HORMAD2: variants seen among roughly 807,000 people sequenced by gnomAD.
The protein encoded by HORMAD2 is HORMA domain-containing protein 2.
A neutral mutation model predicts 38.8 loss-of-function variants in HORMAD2; 45 were observed. That is an observed-to-expected ratio of 1.16 (90% CI 0.91 to 1.49). HORMAD2 has a LOEUF of 1.49. Ranked by LOEUF, HORMAD2 falls within the 40% of genes most tolerant of loss-of-function variation. HORMAD2 has a pLI of 0.00. For synonymous variants in HORMAD2, 126 were observed against 122.8 expected (o/e 1.03, Z -0.17); for missense variants, 338 against 367.0 (o/e 0.92, Z 0.65).
intron 10 of HORMAD2, among the ~76,000 whole-genome samples, chr22:30,141,554 T>A (rs1361685651): frequency 6.6e-6 from 1 of 152,010 alleles, no homozygotes; most frequent in Non-Finnish European, 1.5e-5. Flanking sequence ...CTTATTCTGT[T>A]ATTAGCTTCT....
intron 3 of HORMAD2, among the ~76,000 whole-genome samples, chr22:30,102,914 G>T (rs1920962503): frequency 6.6e-6 from 1 of 152,132 alleles, no homozygotes; most frequent in Admixed American, 6.6e-5. Context: ...ACAGGTGTGA[G>T]CCACCACACC....
At chr22:30,091,383 A>C (rs886667583) in intron 1 of HORMAD2, among the ~76,000 whole-genome samples, 4 of 148,768 alleles carry the variant, frequency 2.7e-5, no homozygotes, top group Admixed American at 6.8e-5. Context: ...AGTCCACCTT[A>C]GCTTCCCAAG....
chr22:30,168,631 C>G (rs192040863), intron 10 of HORMAD2, among the ~76,000 whole-genome samples: 402 of 152,264 alleles, frequency 2.6e-3, no homozygotes, highest in African/African-American at 9.0e-3. Flanking sequence ...ATGTTTTACT[C>G]CTTTCTTTCC....
intron 3 of HORMAD2, among the ~76,000 whole-genome samples, chr22:30,103,027 T>A (rs1166825757): frequency 6.6e-6 from 1 of 152,194 alleles, no homozygotes; most frequent in Non-Finnish European, 1.5e-5. Context: ...GTGTGAAATT[T>A]TTTATTCCTT....
intron 10 of HORMAD2, chr22:30,137,298 G>C: frequency 3.8e-6 from 2 of 521,166 alleles, no homozygotes; most frequent in South Asian, 3.4e-5. Flanking sequence ...ATGCAATTTT[G>C]ATTCCTTGAG....
intron 5 of HORMAD2, chr22:30,104,668 G>C: frequency 5.2e-6 from 2 of 381,068 alleles, no homozygotes; most frequent in African/African-American, 4.2e-5. Flanking sequence ...TTTGACCACA[G>C]AGTTTCCTCT....
At chr22:30,184,136 GT>G in the HORMAD2 span, among the ~76,000 whole-genome samples, 5 of 152,210 alleles carry the variant, frequency 3.3e-5, no homozygotes, top group African/African-American at 1.2e-4. Flanking sequence ...CTGTTTCACT[GT>G]TGCCTCCAAA....
intron 10 of HORMAD2, among the ~76,000 whole-genome samples, chr22:30,139,655 G>A (rs956375203): frequency 1.3e-5 from 2 of 151,820 alleles, no homozygotes; most frequent in Non-Finnish European, 2.9e-5. Context: ...GTGAAGAGAC[G>A]TCCTTGTCTT....
chr22:30,112,960 T>C (rs1886988081), intron 7 of HORMAD2, among the ~76,000 whole-genome samples: 1 of 152,124 alleles, frequency 6.6e-6, no homozygotes, highest in African/African-American at 2.4e-5. Flanking sequence ...ATAACTCTAA[T>C]TTTCATTTTT....
intron 8 of HORMAD2, among the ~76,000 whole-genome samples, chr22:30,121,415 C>T (rs150745835): frequency 6.6e-6 from 1 of 152,074 alleles, no homozygotes; most frequent in Non-Finnish European, 1.5e-5. Context: ...TTAAAAAGAT[C>T]GTATTTTAAA....
intron 5 of HORMAD2, among the ~76,000 whole-genome samples, chr22:30,110,679 C>T (rs991733986): frequency 2.6e-5 from 4 of 152,016 alleles, no homozygotes; most frequent in African/African-American, 9.7e-5. Flanking sequence ...AACCACCGCA[C>T]CCGGCCTCAT....
At chr22:30,204,376 T>C in the HORMAD2 span, among the ~76,000 whole-genome samples, 2 of 152,032 alleles carry the variant, frequency 1.3e-5, no homozygotes, top group Non-Finnish European at 2.9e-5. Flanking sequence ...CCAAAAAGGG[T>C]GGTTAACACT....
At chr22:30,189,525 G>A in the HORMAD2 span, among the ~76,000 whole-genome samples, 4 of 152,020 alleles carry the variant, frequency 2.6e-5, no homozygotes, top group African/African-American at 4.8e-5. Flanking sequence ...GTGGGGGATG[G>A]GTGGGTAGTG....
At chr22:30,090,306 T>A (rs2068659390) in intron 1 of HORMAD2, among the ~76,000 whole-genome samples, 1 of 152,152 alleles carries the variant, frequency 6.6e-6, no homozygotes, top group Non-Finnish European at 1.5e-5. Context: ...GAGGTTGCAG[T>A]GAGCCGAGAT....
chr22:30,195,265 C>CA, the HORMAD2 span, among the ~76,000 whole-genome samples: 1 of 151,118 alleles, frequency 6.6e-6, no homozygotes, highest in Admixed American at 6.6e-5. Flanking sequence ...TGAGATAATC[C>CA]AAAAAAATAG....
At chr22:30,081,251 C>G (rs1383517158) in intron 1 of HORMAD2, 1 of 152,186 alleles carries the variant, frequency 6.6e-6, no homozygotes, top group Non-Finnish European at 1.5e-5. Context: ...GACCATCAAT[C>G]TGTTGAGGTA....
At chr22:30,112,234 C>G (rs1921718885) in intron 6 of HORMAD2, among the ~76,000 whole-genome samples, 1 of 151,840 alleles carries the variant, frequency 6.6e-6, no homozygotes, top group Middle Eastern at 3.3e-3. Flanking sequence ...AATTTTAAAC[C>G]ATAATGGATT....
chr22:30,126,247 C>A (rs1379381380), intron 10 of HORMAD2, among the ~76,000 whole-genome samples: 1 of 151,990 alleles, frequency 6.6e-6, no homozygotes, highest in Non-Finnish European at 1.5e-5. Context: ...TTGCTCACTG[C>A]AAGTTCCGCC....
rs139673809 is a variant in HORMAD2, at chr22:30,174,780, A to G, written c.820-1283A>G. On this transcript the variant is annotated intron_variant, in intron 10 of 10. Coordinates refer to ENST00000336726, the MANE Select transcript of HORMAD2 (RefSeq NM_152510.4). ...GATACTTTTTTCCTACAGTCAAACCATAACAAATTCATCTCCTAGATAACA... is the reference window on the plus strand; with the variant it reads ...GATACTTTTTTCCTACAGTCAAACCGTAACAAATTCATCTCCTAGATAACA... Among the ~76,000 whole-genome samples, 87 of 152,322 alleles carry G rather than the reference A, an allele frequency of 5.7e-4. 2 individuals are homozygous for G. Among genetic ancestry groups the G allele is most frequent in the Middle Eastern group, 3.4e-3 (1 of 294 alleles).
Sources: allele counts gnomAD v4.1 joint callset (sites outside exome capture counted in the v4.1 genomes callset), GRCh38; gene constraint gnomAD v4.1.1; transcripts MANE v1.5; gene names NCBI Gene and HGNC (gene_info 2026-07-23, HGNC 2026-07-21).